TMEM74: variants seen among roughly 807,000 people sequenced by gnomAD.
TMEM74 encodes the protein transmembrane protein 74.
In TMEM74, 13 loss-of-function variants were observed where a neutral mutation model predicts 18.1. The observed-to-expected ratio is 0.72, with a 90% CI of 0.47 to 1.14. The LOEUF (loss-of-function observed/expected upper bound fraction) is 1.14, where lower values mean the gene tolerates loss of function less well. Among genes scored for constraint, TMEM74 ranks in the 50% most tolerant of loss-of-function variants. TMEM74 has a pLI of 0.00. For missense variants in TMEM74, 372 were observed against 375.9 expected (o/e 0.99, Z 0.09); for synonymous variants, 159 against 146.6 (o/e 1.08, Z -0.61).
intron 1 of TMEM74, among the ~76,000 whole-genome samples, chr8:108,760,763 C>A (rs1324091297): frequency 6.6e-6 from 1 of 151,884 alleles, no homozygotes; most frequent in East Asian, 1.9e-4. Flanking sequence ...GCGATGTAAC[C>A]CTACACCATG....
chr8:108,613,620 G>A (rs1812356110), intron 2 of TMEM74, among the ~76,000 whole-genome samples: 1 of 152,146 alleles, frequency 6.6e-6, no homozygotes, highest in Non-Finnish European at 1.5e-5. Context: ...AAACCTTGAA[G>A]CCATTTAGAC....
intron 2 of TMEM74, among the ~76,000 whole-genome samples, chr8:108,645,260 CA>C (rs1812707015): frequency 6.6e-6 from 1 of 152,022 alleles, no homozygotes; most frequent in Non-Finnish European, 1.5e-5. Flanking sequence ...AACAGAAAAC[CA>C]AATACTAAAT....
intron 1 of TMEM74, among the ~76,000 whole-genome samples, chr8:108,755,466 C>T (rs760300679): frequency 6.6e-6 from 1 of 152,086 alleles, no homozygotes; most frequent in Non-Finnish European, 1.5e-5. Context: ...GAAAATAAGG[C>T]TAGAAGTCCC....
intron 1 of TMEM74, among the ~76,000 whole-genome samples, chr8:108,727,341 A>T (rs1730531491): frequency 2.6e-5 from 4 of 152,344 alleles, no homozygotes; most frequent in African/African-American, 9.6e-5. Context: ...GCAGTAATCC[A>T]CATGAGAGAT....
chr8:108,751,553 T>C (rs1416522798), intron 1 of TMEM74, among the ~76,000 whole-genome samples: 1 of 152,130 alleles, frequency 6.6e-6, no homozygotes, highest in Non-Finnish European at 1.5e-5. Context: ...CAAATTTATA[T>C]GTAAAAATCA....
At chr8:108,679,275 G>T (rs997654069) in intron 1 of TMEM74, among the ~76,000 whole-genome samples, 1 of 152,130 alleles carries the variant, frequency 6.6e-6, no homozygotes, top group African/African-American at 2.4e-5. Context: ...TAATGGGATG[G>T]CTGGGTCAAA....
intron 2 of TMEM74, among the ~76,000 whole-genome samples, chr8:108,637,691 AAGGAAAG>A (rs905767272): frequency 5.3e-5 from 8 of 152,164 alleles, no homozygotes; most frequent in Non-Finnish European, 7.4e-5. Context: ...GAGCCTACAG[AAGGAAAG>A]AGGAGGGCAG....
Position 108,784,249 on chromosome 8 carries a change from T to C in TMEM74, c.850A>G (p.Thr284Ala). The change falls in exon 2 of 2, where the codon ACC becomes GCC. Residue 284 changes from threonine (T) to alanine (A), a missense_variant. By Grantham distance (58) the Thr-to-Ala change is moderately conservative. Coordinates refer to ENST00000297459, the MANE Select transcript of TMEM74 (RefSeq NM_153015.3). ...TCCAGAGTGTTTTCATTCGTGCTGG[T>C]TTTCATCCTGAAGTTGAAAGAACCA... Reference protein sequence around the residue: ...LYGSFNFRMKTSTNENTLELS... With the variant: ...LYGSFNFRMKASTNENTLELS... 2.5e-6 allele frequency: 4 copies of C among 1,614,204 alleles called. No homozygotes were observed. The highest frequency in any genetic ancestry group is 3.4e-6 in the Non-Finnish European group (4 of 1,180,040).
intron 1 of TMEM74, among the ~76,000 whole-genome samples, chr8:108,689,304 G>A (rs1280067489): frequency 6.6e-6 from 1 of 152,166 alleles, no homozygotes; most frequent in African/African-American, 2.4e-5. Flanking sequence ...AAAGGGTTAA[G>A]GAACCACACC....
At chr8:108,679,532 T>G (rs1813091104) in intron 1 of TMEM74, among the ~76,000 whole-genome samples, 1 of 152,220 alleles carries the variant, frequency 6.6e-6, no homozygotes, top group Non-Finnish European at 1.5e-5. Flanking sequence ...GTCTTTTGGC[T>G]GCATAAATGT....
At chr8:108,674,247 A>G (rs192367863) in intron 1 of TMEM74, among the ~76,000 whole-genome samples, 174 of 152,278 alleles carry the variant, frequency 1.1e-3, no homozygotes, top group Admixed American at 4.1e-3. Flanking sequence ...AACATTAAAC[A>G]TAGGGTATTG....
chr8:108,647,150 C>A (rs1405890846), intron 2 of TMEM74, among the ~76,000 whole-genome samples: 1 of 152,108 alleles, frequency 6.6e-6, no homozygotes, highest in Admixed American at 6.6e-5. Flanking sequence ...TTTTGGAAAT[C>A]TTTGCCTTCT....
At chr8:108,750,136 A>T (rs1813890043) in intron 1 of TMEM74, among the ~76,000 whole-genome samples, 1 of 152,152 alleles carries the variant, frequency 6.6e-6, no homozygotes. Flanking sequence ...AACAAGTTTG[A>T]AAACTTTGAA....
At chr8:108,680,735 T>C (rs1190476194) in intron 1 of TMEM74, among the ~76,000 whole-genome samples, 1 of 152,200 alleles carries the variant, frequency 6.6e-6, no homozygotes, top group Non-Finnish European at 1.5e-5. Flanking sequence ...TGTCCCTGTT[T>C]GCAGATGTCA....
intron 2 of TMEM74, among the ~76,000 whole-genome samples, chr8:108,623,121 C>T (rs1312265224): frequency 1.3e-5 from 2 of 152,018 alleles, no homozygotes; most frequent in Non-Finnish European, 2.9e-5. Flanking sequence ...TTTATTGGTC[C>T]TCTACTCCTT....
rs116092991 is a variant in TMEM74, at chr8:108,617,734, G to A, written n.265-8908C>T. 3.5e-3 allele frequency among the ~76,000 whole-genome samples: 533 copies of A among 152,028 alleles called. 3 individuals carry two copies. Among genetic ancestry groups the A allele is most frequent in the African/African-American group, 0.012 (510 of 41,460 alleles). ...GGGAGATGTGGGGGAGAGAAAGTGG[G>A]GGAATCAAGTCCTCAGAGAAGGTCT... On this transcript the variant is annotated intron_variant and non_coding_transcript_variant, in intron 2 of 3. Coordinates refer to the TMEM74 transcript ENST00000518838.
chr8:108,642,049 G>T (rs947018941), intron 2 of TMEM74, among the ~76,000 whole-genome samples: 1 of 152,010 alleles, frequency 6.6e-6, no homozygotes, highest in Non-Finnish European at 1.5e-5. Context: ...TCCATGTATC[G>T]TTCAAATGAA....
chr8:108,658,754 A>T (rs1826929), intron 1 of TMEM74, among the ~76,000 whole-genome samples: 27,012 of 152,130 alleles, frequency 0.18, 2,897 homozygotes, highest in East Asian at 0.42. Flanking sequence ...CTGAGCCTCA[A>T]CTGTAAAGCC....
In TMEM74 at chr8:108,730,634, C is replaced by CTTTTTTTTTTTTTTTTTTTTTTT. The variant is rs1199122765; in HGVS notation, n.119+56841_119+56842insAAAAAAAAAAAAAAAAAAAAAAA. Among the ~76,000 whole-genome samples the CTTTTTTTTTTTTTTTTTTTTTTT allele has an allele frequency of 1.1e-4, 15 of 132,182 alleles. 1 individual carries two copies. Among genetic ancestry groups the CTTTTTTTTTTTTTTTTTTTTTTT allele is most frequent in the African/African-American group, 3.7e-4 (12 of 32,674 alleles). 86.7% of individuals were successfully genotyped at this position (132,182 alleles called of 152,430 possible). ...TTAGCTTTAAATGTATGCAGACTTC[C>CTTTTTTTTTTTTTTTTTTTTTTT]TTTTTTTTTTTTTTTTTGTGACGGA... On this transcript the variant is annotated intron_variant and non_coding_transcript_variant, in intron 1 of 3. Coordinates refer to the TMEM74 transcript ENST00000518838.
Sources: allele counts gnomAD v4.1 joint callset (sites outside exome capture counted in the v4.1 genomes callset), GRCh38; gene constraint gnomAD v4.1.1; transcripts MANE v1.5; gene names NCBI Gene and HGNC (gene_info 2026-07-23, HGNC 2026-07-21).